Variants in ANO2 observed in about 807,000 individuals in gnomAD.
The protein encoded by ANO2 is anoctamin 2, also known as anoctamin-2.
In ANO2, 101 loss-of-function variants were observed where a neutral mutation model predicts 124.2. The ratio of observed to expected loss-of-function variants is 0.81; its 90% CI spans 0.69 to 0.96. ANO2 has a LOEUF of 0.96. Among genes scored for constraint, ANO2 ranks in the 40% least tolerant of loss-of-function variants. The pLI, the probability that ANO2 is intolerant of heterozygous loss-of-function variation, is 0.00. For synonymous variants in ANO2, 486 were observed against 482.5 expected (o/e 1.01, Z -0.09); for missense variants, 1,293 against 1,274.5 (o/e 1.01, Z -0.22).
intron 3 of ANO2, among the ~76,000 whole-genome samples, chr12:5,865,661 G>C (rs1047660610): frequency 7.2e-6 from 1 of 139,488 alleles, no homozygotes; most frequent in Non-Finnish European, 1.5e-5. Context: ...ATGCATTCAC[G>C]CTATCGTGCA....
chr12:5,931,323 G>T (rs1942369004), intron 1 of ANO2, among the ~76,000 whole-genome samples: 1 of 152,076 alleles, frequency 6.6e-6, no homozygotes, highest in Non-Finnish European at 1.5e-5. Context: ...TTCTTTGGGA[G>T]GTTGGGGTGG....
At chr12:5,846,705 C>A (rs1031958104) in intron 4 of ANO2, among the ~76,000 whole-genome samples, 3 of 152,210 alleles carry the variant, frequency 2.0e-5, no homozygotes, top group African/African-American at 7.2e-5. Context: ...TTTGAGCCTG[C>A]ATAACTCCAG....
chr12:5,773,164 G>A (rs1952133939), intron 10 of ANO2, among the ~76,000 whole-genome samples: 1 of 152,220 alleles, frequency 6.6e-6, no homozygotes, highest in Non-Finnish European at 1.5e-5. Flanking sequence ...GCCCTCTCTG[G>A]GTTCTGTAGT....
At chr12:5,892,167 A>G (rs1939457929) in intron 3 of ANO2, among the ~76,000 whole-genome samples, 1 of 152,218 alleles carries the variant, frequency 6.6e-6, no homozygotes, top group African/African-American at 2.4e-5. Flanking sequence ...ACTCAATAAC[A>G]GAATTGAAGT....
chr12:5,576,270 T>C (rs1412608412), intron 22 of ANO2, among the ~76,000 whole-genome samples: 1 of 152,222 alleles, frequency 6.6e-6, no homozygotes, highest in Non-Finnish European at 1.5e-5. Flanking sequence ...TAAGTCAATT[T>C]GGACCATTTG....
intron 7 of ANO2, among the ~76,000 whole-genome samples, chr12:5,810,191 A>G (rs1166749498): frequency 2.0e-5 from 3 of 152,166 alleles, no homozygotes; most frequent in South Asian, 4.1e-4. Context: ...TGATAAGGGA[A>G]GGGAGGAGAA....
intron 4 of ANO2, among the ~76,000 whole-genome samples, chr12:5,837,748 C>G (rs938330366): frequency 4.0e-5 from 6 of 151,200 alleles, no homozygotes; most frequent in African/African-American, 1.5e-4. Flanking sequence ...TAAATGCCCA[C>G]AAGAGAAAGC....
chr12:5,648,848 C>A (rs949810097), intron 14 of ANO2, among the ~76,000 whole-genome samples: 3 of 152,162 alleles, frequency 2.0e-5, no homozygotes, highest in Non-Finnish European at 4.4e-5. Flanking sequence ...CAGCGGTGAG[C>A]GCTCCAGGGC....
At position 5,744,198 on chromosome 12, in the gene ANO2, T is replaced by A; in HGVS notation, c.1310A>T (p.Asn437Ile). Residue 437 changes from asparagine to isoleucine, a missense_variant, in exon 12 of 25, where the codon AAC becomes ATC. Coordinates refer to ENST00000682330, the MANE Select transcript of ANO2 (RefSeq NM_001364791.2). ...GTAQASHLFD[N>I]PATVFFSIFM... ...GATAGAGAAGAAGACGGTGGCAGGG[T>A]TGTCAAACAGGTGGCTGGCCTGCGC... The A allele has an allele frequency of 2.5e-6, 4 of 1,612,898 alleles. No homozygotes were observed. The highest frequency in any genetic ancestry group is 3.4e-6 in the Non-Finnish European group (4 of 1,179,814).
intron 10 of ANO2, among the ~76,000 whole-genome samples, chr12:5,752,842 C>T (rs1951479091): frequency 1.3e-5 from 2 of 152,040 alleles, no homozygotes; most frequent in Non-Finnish European, 2.9e-5. Flanking sequence ...TCTATTGTTT[C>T]AGGTTTTACA....
intron 3 of ANO2, among the ~76,000 whole-genome samples, chr12:5,893,599 T>C (rs1939560591): frequency 6.6e-6 from 1 of 151,858 alleles, no homozygotes; most frequent in African/African-American, 2.4e-5. Flanking sequence ...CATCAACTCA[T>C]CATCTACATT....
At chr12:5,565,410 G>A in intron 24 of ANO2, 148 bp downstream of exon 24, 1 of 711,654 alleles carries the variant, frequency 1.4e-6, no homozygotes, top group South Asian at 1.8e-5. Flanking sequence ...AACCCGGAAA[G>A]GAGCCCTCAC....
In ANO2 at chr12:5,934,134, C is replaced by A. The variant is rs2136320150; in HGVS notation, c.22+11062G>T. 2.0e-5 allele frequency among the ~76,000 whole-genome samples: 3 copies of A among 152,322 alleles called. No individual in the cohort carries two copies. The East Asian group carries it at 5.8e-4, about 29-fold the overall frequency. ...GTCAGACACTGTTTTAAACACTTTA[C>A]ATGTATCAATTTATGTAATCTTCAC... On this transcript the variant is annotated intron_variant, in intron 1 of 24. Transcript: ENST00000682330.
intron 12 of ANO2, among the ~76,000 whole-genome samples, 160 bp from the exon 13 acceptor site, chr12:5,739,559 A>G (rs1474375185): frequency 6.6e-6 from 1 of 151,084 alleles, no homozygotes; most frequent in Non-Finnish European, 1.5e-5. Flanking sequence ...TGAAACTGCT[A>G]GAAATACTCC....
chr12:5,670,846 T>C (rs1357996258), intron 14 of ANO2, among the ~76,000 whole-genome samples: 1 of 152,156 alleles, frequency 6.6e-6, no homozygotes, highest in Non-Finnish European at 1.5e-5. Context: ...GGCCAAAATA[T>C]GTATTTTAAA....
intron 19 of ANO2, among the ~76,000 whole-genome samples, chr12:5,607,071 A>G (rs1463957203): frequency 6.6e-6 from 1 of 152,150 alleles, no homozygotes; most frequent in Non-Finnish European, 1.5e-5. Flanking sequence ...TTTAAAAAAA[A>G]AAAAAACAAA....
At chr12:5,929,406 T>C (rs375579424) in intron 1 of ANO2, among the ~76,000 whole-genome samples, 1 of 72,054 alleles carries the variant, frequency 1.4e-5, no homozygotes, top group African/African-American at 5.9e-5. Flanking sequence ...TACTAGTCTA[T>C]CTTCTTTCCT....
intron 20 of ANO2, among the ~76,000 whole-genome samples, chr12:5,590,641 G>T (rs1280741660): frequency 1.3e-5 from 2 of 152,216 alleles, no homozygotes; most frequent in Non-Finnish European, 2.9e-5. Context: ...TCAGTAGGTG[G>T]TTTCTAAAAC....
At position 5,636,605 on chromosome 12, in the gene ANO2, TACACACACACACAC is replaced by T. The variant is rs61059041; in HGVS notation, c.1621-1272_1621-1259del. Among the ~76,000 whole-genome samples, 172 of 118,574 alleles carry T rather than the reference TACACACACACACAC, an allele frequency of 1.5e-3. No homozygotes were observed. The highest frequency in any genetic ancestry group is 5.2e-3 in the African/African-American group (160 of 30,778). 77.8% of individuals were successfully genotyped at this position (118,574 alleles called of 152,430 possible). On this transcript the variant is annotated intron_variant, in intron 15 of 24. Coordinates refer to ENST00000682330, the MANE Select transcript of ANO2 (RefSeq NM_001364791.2). This position sits in a 1 kb window ranked among gnomAD's most constrained non-coding sequence, Gnocchi z 4.6. ...CCTGAAAAAATAAGCTGTGCTGGAC[TACACACACACACAC>T]ACACACACACACACACACACACACA... is the stretch of plus-strand genomic sequence containing the variant.
Sources: gnomAD v4.1 joint callset for allele counts (sites outside exome capture counted in the v4.1 genomes callset) on GRCh38, gnomAD v4.1.1 for gene constraint, Gnocchi (gnomAD v3.1) non-coding constraint, MANE v1.5 for transcripts, NCBI Gene and HGNC (gene_info 2026-07-23, HGNC 2026-07-21) for gene names.